DCLK1: variants seen among roughly 807,000 people sequenced by gnomAD.
The protein encoded by DCLK1 is serine/threonine-protein kinase DCLK1.
In DCLK1, 16 loss-of-function variants were observed where a neutral mutation model predicts 86.2. The ratio of observed to expected loss-of-function variants is 0.19; its 90% CI spans 0.13 to 0.28. The LOEUF (loss-of-function observed/expected upper bound fraction) is 0.28. DCLK1 is among the 10% of genes least tolerant of loss of function. The pLI is 1.00. For synonymous variants in DCLK1, 369 were observed against 370.5 expected (o/e 1.00, Z 0.05); for missense variants, 590 against 940.2 (o/e 0.63, Z 4.87).
At chr13:35,870,124 G>A (rs759720373) in intron 5 of DCLK1, among the ~76,000 whole-genome samples, 2 of 152,294 alleles carry the variant, frequency 1.3e-5, no homozygotes, top group East Asian at 1.9e-4. Flanking sequence ...AAGTGCCAGC[G>A]ATGCTCTGAA....
intron 8 of DCLK1, among the ~76,000 whole-genome samples, chr13:35,831,185 T>C (rs1868932068): frequency 6.6e-6 from 1 of 152,198 alleles, no homozygotes; most frequent in African/African-American, 2.4e-5. Context: ...CTACTCATAT[T>C]TCATAGTGGA....
rs78059261 is a variant in DCLK1 at position 36,116,621 on chromosome 13, A to G, written c.377-4406T>C. Reference sequence around the variant, plus strand: ...AAATGACCTCATCTCCATCCTTCACATTACTAGAGCTGGTTGTTACCTCCT... The same window carrying G: ...AAATGACCTCATCTCCATCCTTCACGTTACTAGAGCTGGTTGTTACCTCCT... On this transcript the variant is annotated intron_variant, in intron 2 of 16. Transcript: ENST00000360631. Among the ~76,000 whole-genome samples, 921 of 152,260 alleles carry G rather than the reference A, an allele frequency of 6.0e-3. 6 individuals carry two copies. The highest frequency in any genetic ancestry group is 0.018 in the African/African-American group (757 of 41,548).
intron 3 of DCLK1, among the ~76,000 whole-genome samples, chr13:36,045,651 A>C (rs908061268): frequency 6.6e-6 from 1 of 151,734 alleles, no homozygotes; most frequent in Non-Finnish European, 1.5e-5. Context: ...CAGGAGTTCA[A>C]GACCAGCCTG....
intron 3 of DCLK1, among the ~76,000 whole-genome samples, chr13:36,022,895 C>A (rs939964505): frequency 6.6e-6 from 1 of 152,138 alleles, no homozygotes; most frequent in Admixed American, 6.6e-5. Flanking sequence ...CCAATTCATT[C>A]TTTGAGGCTA....
At chr13:36,092,586 A>T (rs1310139885) in intron 3 of DCLK1, among the ~76,000 whole-genome samples, 1 of 139,496 alleles carries the variant, frequency 7.2e-6, no homozygotes, top group Non-Finnish European at 1.5e-5. Flanking sequence ...TCCCGGGTTC[A>T]CGCCATTCTC....
chr13:36,066,930 AG>A (rs1221658400), intron 3 of DCLK1, among the ~76,000 whole-genome samples: 2 of 149,686 alleles, frequency 1.3e-5, no homozygotes, highest in African/African-American at 4.9e-5. Flanking sequence ...GAGGATGTGG[AG>A]AAATAGGAAC....
chr13:35,944,341 A>T (rs1877248574), intron 4 of DCLK1, among the ~76,000 whole-genome samples: 1 of 152,224 alleles, frequency 6.6e-6, no homozygotes, highest in South Asian at 2.1e-4. Flanking sequence ...GCGCAGGGCA[A>T]GAGTAGTAAT....
Position 35,770,802 on chromosome 13 carries a change from G to C in DCLK1, c.*3733C>G, listed in dbSNP as rs192573339. 4 of 152,288 alleles carry C rather than the reference G, an allele frequency of 2.6e-5. No homozygotes were observed. The East Asian group carries it at 7.7e-4, about 29-fold the overall frequency. The allele number at this position is 152,288 out of a possible 1,614,324, so 9.4% of individuals were successfully genotyped here. A position where few individuals can be genotyped will look rare whatever the true frequency, so the allele number is the denominator to read the frequency against. On this transcript the variant is annotated 3_prime_UTR_variant, in exon 17 of 17. Transcript: ENST00000360631. ...CCAAAATTCTGAAATCACTATTAAG[G>C]AGGGACCATACCAGATTTTTTTGTT...
At chr13:35,836,179 G>A (rs1316115952) in intron 7 of DCLK1, 38 bp from the exon 8 acceptor site, 4 of 1,518,054 alleles carry the variant, frequency 2.6e-6, no homozygotes, top group Non-Finnish European at 2.7e-6. Context: ...TGGTTGAAAA[G>A]GGAACACAGA....
intron 5 of DCLK1, among the ~76,000 whole-genome samples, chr13:35,866,767 T>A (rs1340389758): frequency 6.6e-6 from 1 of 152,168 alleles, no homozygotes; most frequent in East Asian, 1.9e-4. Context: ...AATACCAATG[T>A]TTATGGAGTA....
rs11294824 is a variant in DCLK1 at position 35,976,525 on chromosome 13, G to GTTTTTTTTTTTT, written c.724-29080_724-29069dup. Among the ~76,000 whole-genome samples the GTTTTTTTTTTTT allele has an allele frequency of 8.0e-3, 452 of 56,380 alleles. 63 individuals are homozygous for GTTTTTTTTTTTT. The highest frequency in any genetic ancestry group is 0.013 in the Non-Finnish European group (390 of 30,004). The allele number at this position is 56,380 out of a possible 152,430, so 37.0% of individuals were successfully genotyped here. A position where few individuals can be genotyped will look rare whatever the true frequency, so the allele number is the denominator to read the frequency against. On this transcript the variant is annotated intron_variant, in intron 3 of 16. Transcript: ENST00000360631. ...CTCCCAGCACTTCAGCTTCTCCGAGGTTTTTTTTTTTTTTTTTTTTTTTGA... is the reference window on the plus strand; with the variant it reads ...CTCCCAGCACTTCAGCTTCTCCGAGGTTTTTTTTTTTTTTTTTTTTTTTTTTTTTTTTTTTGA...
intron 3 of DCLK1, among the ~76,000 whole-genome samples, chr13:36,076,532 C>G (rs1884219986): frequency 6.6e-6 from 1 of 152,184 alleles, no homozygotes; most frequent in South Asian, 2.1e-4. Flanking sequence ...TCTGATCACT[C>G]CTGAGAACTC....
chr13:36,007,575 G>T (rs977561562), intron 3 of DCLK1, among the ~76,000 whole-genome samples: 11 of 152,122 alleles, frequency 7.2e-5, no homozygotes, highest in Non-Finnish European at 1.5e-4. Flanking sequence ...CAAACAGGAA[G>T]GCAGATGAAC....
chr13:36,110,924 G>A (rs891200150), intron 3 of DCLK1, among the ~76,000 whole-genome samples: 11 of 145,750 alleles, frequency 7.5e-5, no homozygotes, highest in Admixed American at 1.4e-4. Context: ...TCCGCCTCCC[G>A]GGTTCACGCC....
At chr13:35,952,408 G>A (rs1258861964) in intron 3 of DCLK1, among the ~76,000 whole-genome samples, 1 of 152,178 alleles carries the variant, frequency 6.6e-6, no homozygotes, top group East Asian at 1.9e-4. Flanking sequence ...TAACACAAAG[G>A]TGGGACACGG....
rs117553146 is a variant in DCLK1, at chr13:35,906,903, C to T, written c.824-35563G>A. Among the ~76,000 whole-genome samples the T allele has an allele frequency of 9.9e-3, 1,514 of 152,204 alleles. 14 individuals carry two copies. Among genetic ancestry groups the T allele is most frequent in the South Asian group, 0.016 (76 of 4,814 alleles). On this transcript the variant is annotated intron_variant, in intron 4 of 16. Coordinates refer to ENST00000360631, the MANE Select transcript of DCLK1 (RefSeq NM_001330071.2). ...CCCAACTAAGCCAGAGTCGAGGGCC[C>T]GGAGTCAGGTGGTAAGCACTCAGGA...
In DCLK1 at chr13:35,811,071, T is replaced by C. The variant is rs966304409; in HGVS notation, c.1555-103A>G. The C allele has an allele frequency of 9.1e-6, 13 of 1,427,882 alleles. No homozygotes were observed. The African/African-American group carries it at 1.9e-4, about 21-fold the overall frequency. The allele number at this position is 1,427,882 out of a possible 1,614,324, so 88.5% of individuals were successfully genotyped here. On this transcript the variant is annotated intron_variant, in intron 11 of 16. Coordinates refer to ENST00000360631, the MANE Select transcript of DCLK1 (RefSeq NM_001330071.2). ...GTGTTTAAATTTAATGTATAGGAGG[T>C]AAAAAATAAATTAGGCAATTATGCA...
intron 4 of DCLK1, among the ~76,000 whole-genome samples, chr13:35,911,905 C>T (rs1373236691): frequency 6.6e-6 from 1 of 152,162 alleles, no homozygotes; most frequent in Non-Finnish European, 1.5e-5. Context: ...AGGGCACATA[C>T]TAGGAGTCCT....
intron 3 of DCLK1, among the ~76,000 whole-genome samples, chr13:36,079,065 A>G (rs1022911453): frequency 3.9e-5 from 6 of 152,184 alleles, no homozygotes; most frequent in African/African-American, 1.4e-4. Context: ...GTGTGTCTCA[A>G]TGGTGCAGAA....
Sources: allele counts gnomAD v4.1 joint callset (sites outside exome capture counted in the v4.1 genomes callset), GRCh38; gene constraint gnomAD v4.1.1; transcripts MANE v1.5; gene names NCBI Gene and HGNC (gene_info 2026-07-23, HGNC 2026-07-21).